FHIT: variants seen among roughly 807,000 people sequenced by gnomAD.
FHIT encodes the protein bis(5'-adenosyl)-triphosphatase.
Under a neutral mutation model 17.9 loss-of-function variants are expected in FHIT, and 19 were observed. The ratio of observed to expected loss-of-function variants is 1.06; its 90% CI spans 0.74 to 1.56. The LOEUF is 1.56. Ranked by LOEUF, FHIT falls within the 40% of genes most tolerant of loss-of-function variation. The pLI is 0.00. For missense variants in FHIT, 248 were observed against 189.2 expected, an observed-to-expected ratio of 1.31 and a Z score of -1.82; for synonymous variants, 81 against 69.7, an observed-to-expected ratio of 1.16 and a Z score of -0.81.
At chr3:60,949,020 T>C (rs1708760814) in intron 3 of FHIT, among the ~76,000 whole-genome samples, 1 of 152,088 alleles carries the variant, frequency 6.6e-6, no homozygotes, top group Non-Finnish European at 1.5e-5. Flanking sequence ...AAAAAACTTA[T>C]AGTTGTATAT....
At chr3:61,108,697 A>T (rs1165580099) in intron 2 of FHIT, among the ~76,000 whole-genome samples, 1 of 152,206 alleles carries the variant, frequency 6.6e-6, no homozygotes, top group African/African-American at 2.4e-5. Flanking sequence ...CAAGAAAGTA[A>T]AAAAGGAAAA....
At chr3:60,881,385 A>T (rs556595182) in intron 3 of FHIT, among the ~76,000 whole-genome samples, 1 of 152,340 alleles carries the variant, frequency 6.6e-6, no homozygotes, top group South Asian at 2.1e-4. Flanking sequence ...ATCTAGAAAG[A>T]AAATCAACAA....
intron 5 of FHIT, among the ~76,000 whole-genome samples, chr3:60,495,677 C>T (rs2197750): frequency 0.08 from 12,237 of 152,062 alleles, 850 homozygotes; most frequent in East Asian, 0.33. Context: ...GTATTCAATG[C>T]CATTCCTTTA....
At chr3:60,589,303 G>A (rs2038005589) in intron 4 of FHIT, among the ~76,000 whole-genome samples, 1 of 151,984 alleles carries the variant, frequency 6.6e-6, no homozygotes, top group African/African-American at 2.4e-5. Flanking sequence ...CTTCTTTCTG[G>A]CACTTCAGAA....
At chr3:60,526,339 C>T (rs1216587749) in intron 5 of FHIT, among the ~76,000 whole-genome samples, 1 of 152,122 alleles carries the variant, frequency 6.6e-6, no homozygotes, top group South Asian at 2.1e-4. Flanking sequence ...CCATGTCTCC[C>T]TTTTAGGTCT....
chr3:60,640,301 T>A (rs1381744384), intron 4 of FHIT, among the ~76,000 whole-genome samples: 1 of 152,128 alleles, frequency 6.6e-6, no homozygotes, highest in Non-Finnish European at 1.5e-5. Context: ...ATAAGCTTTT[T>A]TTTTCCTAAA....
At chr3:60,414,332 G>T (rs576010873) in intron 5 of FHIT, among the ~76,000 whole-genome samples, 5 of 152,258 alleles carry the variant, frequency 3.3e-5, no homozygotes, top group African/African-American at 1.2e-4. Flanking sequence ...AGAATTACCG[G>T]ACTAGAGCAT....
intron 7 of FHIT, among the ~76,000 whole-genome samples, chr3:59,923,738 T>C (rs923459766): frequency 2.0e-5 from 3 of 152,124 alleles, no homozygotes; most frequent in African/African-American, 7.2e-5. Flanking sequence ...TCCTGATTAC[T>C]GCGATCGGGT....
chr3:61,204,492 C>T (rs986994495), intron 1 of FHIT, among the ~76,000 whole-genome samples: 12 of 151,900 alleles, frequency 7.9e-5, no homozygotes, highest in African/African-American at 2.9e-4. Context: ...TAAACGCAAT[C>T]GATTCTCTAT....
intron 5 of FHIT, among the ~76,000 whole-genome samples, chr3:60,194,533 A>G (rs932978491): frequency 2.6e-5 from 4 of 152,172 alleles, no homozygotes; most frequent in South Asian, 2.1e-4. Context: ...CTAGGCAAAC[A>G]ATCTATGACT....
intron 5 of FHIT, among the ~76,000 whole-genome samples, chr3:60,379,712 A>G (rs1238088890): frequency 6.6e-6 from 1 of 152,178 alleles, no homozygotes; most frequent in Non-Finnish European, 1.5e-5. Context: ...GTCACAATAA[A>G]CCATCTGTTA....
intron 5 of FHIT, among the ~76,000 whole-genome samples, chr3:60,060,102 G>A (rs1004093450): frequency 2.0e-4 from 30 of 152,032 alleles, no homozygotes; most frequent in African/African-American, 7.2e-4. Flanking sequence ...ACAGGAAAGT[G>A]ACGTTATTAA....
rs151277222 is a variant in FHIT at position 60,103,204 on chromosome 3, T to C, written c.104-89052A>G. On this transcript the variant is annotated intron_variant, in intron 5 of 9. Coordinates refer to ENST00000492590, the MANE Select transcript of FHIT (RefSeq NM_002012.4). ...AGCTGTGTTTCTAGACTTGACAGAC[T>C]TGTTTTTACTTGATAAACACATTGT... 9.2e-5 allele frequency among the ~76,000 whole-genome samples: 14 copies of C among 152,310 alleles called. No homozygotes were observed. The East Asian group carries it at 2.7e-3, about 29-fold the overall frequency.
intron 5 of FHIT, among the ~76,000 whole-genome samples, chr3:60,523,697 T>C (rs2035463153): frequency 6.6e-6 from 1 of 152,170 alleles, no homozygotes; most frequent in African/African-American, 2.4e-5. Flanking sequence ...TATCAAACCC[T>C]TCTGTTAGAT....
At chr3:60,829,428 G>A (rs2106807749) in intron 3 of FHIT, among the ~76,000 whole-genome samples, 1 of 152,166 alleles carries the variant, frequency 6.6e-6, no homozygotes, top group East Asian at 1.9e-4. Context: ...TATTCCATGG[G>A]CCTACCAACT....
intron 5 of FHIT, among the ~76,000 whole-genome samples, chr3:60,084,984 AGGCACT>A (rs1056149938): frequency 5.3e-5 from 8 of 152,078 alleles, no homozygotes; most frequent in Non-Finnish European, 1.0e-4. Context: ...TATATGTTGG[AGGCACT>A]GTCTTTTGAG....
intron 4 of FHIT, among the ~76,000 whole-genome samples, chr3:60,681,073 T>C (rs1402882848): frequency 6.6e-6 from 1 of 152,196 alleles, no homozygotes; most frequent in Non-Finnish European, 1.5e-5. Context: ...CTTTGTTTCA[T>C]TGCACTTCAC....
chr3:60,272,959 T>C (rs1415460620), intron 5 of FHIT, among the ~76,000 whole-genome samples: 2 of 152,244 alleles, frequency 1.3e-5, no homozygotes, highest in African/African-American at 4.8e-5. Context: ...GTCTAACAAT[T>C]CTGTCTCCAT....
intron 4 of FHIT, among the ~76,000 whole-genome samples, chr3:60,598,471 G>A (rs2226971): frequency 6.6e-6 from 1 of 152,002 alleles, no homozygotes; most frequent in African/African-American, 2.4e-5. Context: ...TGTGTTGAGT[G>A]TTTGAGGATA....
Sources: allele counts gnomAD v4.1 joint callset (sites outside exome capture counted in the v4.1 genomes callset), GRCh38; gene constraint gnomAD v4.1.1; transcripts MANE v1.5; gene names NCBI Gene and HGNC (gene_info 2026-07-23, HGNC 2026-07-21).